PRAG1: variants seen among roughly 807,000 people sequenced by gnomAD.
The protein encoded by PRAG1 is inactive tyrosine-protein kinase PRAG1.
In PRAG1, 110 loss-of-function variants were observed where a neutral mutation model predicts 95.6. The ratio of observed to expected loss-of-function variants is 1.15; its 90% CI spans 0.99 to 1.35. PRAG1 has a LOEUF of 1.35. PRAG1 is among the 40% of genes most tolerant of loss of function. PRAG1 has a pLI of 0.00. For synonymous variants in PRAG1, 1,052 were observed against 819.4 expected (o/e 1.28, Z -4.85); for missense variants, 2,554 against 1,864.7 (o/e 1.37, Z -6.81).
intron 3 of PRAG1, among the ~76,000 whole-genome samples, chr8:8,359,191 T>C (rs1799772381): frequency 6.6e-6 from 1 of 152,250 alleles, no homozygotes; most frequent in African/African-American, 2.4e-5. Context: ...TCTTATTTTT[T>C]TATAGTTTTT....
At chr8:8,329,874 G>A (rs1482677120) in intron 4 of PRAG1, among the ~76,000 whole-genome samples, 1 of 152,220 alleles carries the variant, frequency 6.6e-6, no homozygotes, top group Non-Finnish European at 1.5e-5. Context: ...CAGCCTCAGT[G>A]ACCGAGGCAG....
intron 2 of PRAG1, 53 bp from the exon 3 acceptor site, chr8:8,378,131 A>C: frequency 6.7e-7 from 1 of 1,500,008 alleles, no homozygotes; most frequent in Non-Finnish European, 8.8e-7. Context: ...TCATAGAAAA[A>C]AGAGAGAGAG....
Position 8,336,585 on chromosome 8 carries a change from T to G in PRAG1, c.2320+2893A>C, listed in dbSNP as rs576625186. 4.6e-5 allele frequency among the ~76,000 whole-genome samples: 7 copies of G among 152,332 alleles called. No individual in the cohort carries two copies. In the East Asian group the frequency reaches 9.6e-4, roughly 21 times the overall value. The stretch of plus-strand genomic sequence containing the variant: ...AAGTATAAAGAGGTGAAATTAACAT[T>G]GATACAAAAGTGGCATTTTGCCACT... On this transcript the variant is annotated intron_variant, in intron 4 of 5. Transcript: ENST00000615670.
intron 4 of PRAG1, among the ~76,000 whole-genome samples, chr8:8,334,252 C>G (rs879430122): frequency 3.3e-5 from 5 of 152,062 alleles, no homozygotes; most frequent in Non-Finnish European, 7.4e-5. Context: ...GAGGGGCCAA[C>G]ATGGTGAAAC....
intron 2 of PRAG1, among the ~76,000 whole-genome samples, chr8:8,380,852 CAAAAAAAA>C (rs71217290): frequency 5.6e-4 from 36 of 64,422 alleles, no homozygotes; most frequent in Admixed American, 2.7e-3. Context: ...GACTCCATCT[CAAAAAAAA>C]AAAAAAAAAA....
Position 8,338,834 on chromosome 8 carries a change from G to A in PRAG1, c.2320+644C>T, listed in dbSNP as rs117424589. Reference sequence around the variant, plus strand: ...ACGCAAGTCTAAGAGAAACGCAGGAGAGGACACATACACAAAGAATGCTGA... The same window carrying A: ...ACGCAAGTCTAAGAGAAACGCAGGAAAGGACACATACACAAAGAATGCTGA... On this transcript the variant is annotated intron_variant, in intron 4 of 5. Transcript: ENST00000615670. Among the ~76,000 whole-genome samples, 42 of 152,296 alleles carry A rather than the reference G, an allele frequency of 2.8e-4. No individual in the cohort carries two copies. The East Asian group carries it at 5.8e-3, about 21-fold the overall frequency.
At chr8:8,353,636 C>A (rs942654134) in intron 3 of PRAG1, among the ~76,000 whole-genome samples, 1 of 151,962 alleles carries the variant, frequency 6.6e-6, no homozygotes, top group Non-Finnish European at 1.5e-5. Flanking sequence ...ACATTATATA[C>A]CTCAAAGAAG....
rs750364013 is a variant in PRAG1 at position 8,318,191 on chromosome 8, GC to G, written c.4183del (p.Ala1395ProfsTer6). The G allele has an allele frequency of 3.1e-6, 5 of 1,613,830 alleles. No individual in the cohort carries two copies. The highest frequency in any genetic ancestry group is 2.2e-5 in the East Asian group (1 of 44,892). Reference protein sequence around the residue: ...CQYLASAEPGALLQSLKLLQL... With the variant: ...CQYLASAEPGXLLQSLKLLQL... ...CAGGAGCTTCAGCGACTGTAAGAGG[GC>G]CCCGGGCTCCGCAGACGCCAGGTAC... On this transcript the variant is annotated frameshift_variant, in exon 6 of 6. Transcript: ENST00000615670. LOFTEE classifies it high-confidence loss of function. This position sits in a 1 kb window ranked among gnomAD's most constrained non-coding sequence, Gnocchi z 4.2.
chr8:8,321,348 G>C (rs1342512086), intron 5 of PRAG1, among the ~76,000 whole-genome samples: 1 of 152,248 alleles, frequency 6.6e-6, no homozygotes, highest in Non-Finnish European at 1.5e-5. Context: ...GCCTCCCAAA[G>C]TGCTGGGATT....
chr8:8,368,548 A>T (rs1800086198), intron 3 of PRAG1, among the ~76,000 whole-genome samples: 1 of 152,238 alleles, frequency 6.6e-6, no homozygotes, highest in Admixed American at 6.5e-5. Flanking sequence ...TGATAGAAGG[A>T]AACGTAAGAT....
chr8:8,333,193 ACCTTGG>A (rs886121322), intron 4 of PRAG1, among the ~76,000 whole-genome samples: 1 of 152,148 alleles, frequency 6.6e-6, no homozygotes, highest in African/African-American at 2.4e-5. Context: ...TTTTTCTGGG[ACCTTGG>A]CCTATGTCTC....
At chr8:8,357,617 G>T (rs1399548881) in intron 3 of PRAG1, among the ~76,000 whole-genome samples, 3 of 152,164 alleles carry the variant, frequency 2.0e-5, no homozygotes, top group Non-Finnish European at 4.4e-5. Flanking sequence ...AGCTGCTATG[G>T]AAAACAGTAA....
At chr8:8,353,788 C>T (rs776064344) in intron 3 of PRAG1, among the ~76,000 whole-genome samples, 14 of 151,546 alleles carry the variant, frequency 9.2e-5, no homozygotes, top group Non-Finnish European at 1.9e-4. Flanking sequence ...GCCTGAGTGA[C>T]AGAGTGAGGC....
Position 8,376,590 on chromosome 8 carries a change from T to C in PRAG1, c.1819A>G (p.Ser607Gly), listed in dbSNP as rs1335757329. 1.2e-6 allele frequency: 2 copies of C among 1,605,388 alleles called. No homozygotes were observed. Among genetic ancestry groups the C allele is most frequent in the East Asian group, 4.5e-5 (2 of 44,730 alleles). ...GGCTGGGGACACCTGGATGGGTCAC[T>C]GATAGCGACACCGTTGGTCCGGCAG... Reference protein sequence around the residue: ...PSCRTNGVAISDPSRCPQPAA... With the variant: ...PSCRTNGVAIGDPSRCPQPAA... Residue 607 changes from serine (S) to glycine (G), a missense_variant, in exon 3 of 6, where the codon AGT becomes GGT. Physicochemically the swap from Ser to Gly is moderately conservative, Grantham distance 56 (BLOSUM62 0). Coordinates refer to ENST00000615670, the MANE Select transcript of PRAG1 (RefSeq NM_001080826.3).
intron 3 of PRAG1, among the ~76,000 whole-genome samples, chr8:8,350,752 C>A (rs992904717): frequency 6.6e-6 from 1 of 152,180 alleles, no homozygotes; most frequent in Non-Finnish European, 1.5e-5. Flanking sequence ...GGAAAAGGCC[C>A]TTAATCTCTC....
At position 8,339,592 on chromosome 8, in the gene PRAG1, CT is replaced by C; in HGVS notation, c.2205del (p.Val736Ter). Reference sequence around the variant, plus strand: ...AGGCTTTCTGCAGAGCCCTGGCTCACTTTTTCCAAATCAGAGCTGCTCTTGT... The same window carrying C: ...AGGCTTTCTGCAGAGCCCTGGCTCACTTTTCCAAATCAGAGCTGCTCTTGT... ...KMNKSSSDLE[K>X]VSQGSAESLS... On this transcript the variant is annotated frameshift_variant, in exon 4 of 6. Transcript: ENST00000615670. LOFTEE classifies it high-confidence loss of function. 1 of 1,613,996 alleles carries C rather than the reference CT, an allele frequency of 6.2e-7. No homozygotes were observed. The highest frequency in any genetic ancestry group is 8.5e-7 in the Non-Finnish European group (1 of 1,179,876).
At chr8:8,341,204 C>T (rs1309979603) in intron 3 of PRAG1, among the ~76,000 whole-genome samples, 3 of 152,262 alleles carry the variant, frequency 2.0e-5, no homozygotes, top group East Asian at 3.9e-4. Flanking sequence ...GGAGAAACTA[C>T]AGCACCATGG....
intron 4 of PRAG1, among the ~76,000 whole-genome samples, chr8:8,338,772 G>T (rs978366789): frequency 2.0e-5 from 3 of 152,176 alleles, no homozygotes; most frequent in Admixed American, 6.5e-5. Flanking sequence ...ACTGAAAAAG[G>T]AAGTCATGTG....
intron 3 of PRAG1, among the ~76,000 whole-genome samples, chr8:8,357,088 A>G (rs1159506779): frequency 6.6e-6 from 1 of 152,360 alleles, no homozygotes; most frequent in Non-Finnish European, 1.5e-5. Context: ...CCTCGTGGAA[A>G]ACAAAAAGAA....
Sources: allele counts gnomAD v4.1 joint callset (sites outside exome capture counted in the v4.1 genomes callset), GRCh38; gene constraint gnomAD v4.1.1; non-coding constraint Gnocchi (gnomAD v3.1); transcripts MANE v1.5; gene names NCBI Gene and HGNC (gene_info 2026-07-23, HGNC 2026-07-21).